Variants in ZBTB20 observed in about 807,000 individuals in gnomAD.
ZBTB20 encodes the protein zinc finger and BTB domain-containing protein 20.
ZBTB20 carries 9 observed loss-of-function variants against 56.9 expected under a neutral mutation model. That is an observed-to-expected ratio of 0.16 (90% CI 0.10 to 0.28). ZBTB20 has a LOEUF of 0.28. ZBTB20 is among the 10% of genes least tolerant of loss of function. The probability of loss-of-function intolerance (pLI) is 1.00; values close to 1 mark genes in which losing one functional copy is unlikely to be tolerated. For synonymous variants in ZBTB20, 417 were observed against 420.7 expected (o/e 0.99, Z 0.11); for missense variants, 655 against 1,003.0 (o/e 0.65, Z 4.69).
intron 3 of ZBTB20, among the ~76,000 whole-genome samples, chr3:114,946,634 G>C (rs1475405457): frequency 6.9e-6 from 1 of 145,156 alleles, no homozygotes; most frequent in Non-Finnish European, 1.5e-5. Context: ...TAAATCCCCT[G>C]AAAAACACAT....
At chr3:114,962,449 C>T (rs949619029) in intron 3 of ZBTB20, among the ~76,000 whole-genome samples, 26 of 151,988 alleles carry the variant, frequency 1.7e-4, no homozygotes, top group African/African-American at 5.8e-4. Context: ...ACAGACAGCC[C>T]GATAGATTTT....
intron 3 of ZBTB20, among the ~76,000 whole-genome samples, chr3:114,968,750 T>C (rs1032636020): frequency 1.2e-4 from 18 of 152,208 alleles, no homozygotes; most frequent in African/African-American, 3.9e-4. Context: ...AATTTAAAAA[T>C]ACTAGAAATT....
intron 1 of ZBTB20, among the ~76,000 whole-genome samples, chr3:115,091,844 A>C (rs2083206850): frequency 6.6e-6 from 1 of 152,106 alleles, no homozygotes; most frequent in Non-Finnish European, 1.5e-5. Flanking sequence ...AATAAGACAC[A>C]GACACTATCC....
chr3:114,570,004 GATA>G (rs1202893921), intron 6 of ZBTB20, among the ~76,000 whole-genome samples: 1 of 152,146 alleles, frequency 6.6e-6, no homozygotes, highest in East Asian at 1.9e-4. Flanking sequence ...AAAAGAATAT[GATA>G]ATAATTTGTG....
At chr3:114,789,365 A>G (rs1286308200) in intron 5 of ZBTB20, among the ~76,000 whole-genome samples, 1 of 152,216 alleles carries the variant, frequency 6.6e-6, no homozygotes, top group African/African-American at 2.4e-5. Flanking sequence ...CACTGAATTG[A>G]AAATTTTAAG....
intron 2 of ZBTB20, among the ~76,000 whole-genome samples, chr3:114,991,759 A>G (rs1054395206): frequency 2.6e-5 from 4 of 152,014 alleles, no homozygotes; most frequent in African/African-American, 9.7e-5. Context: ...GTAGGTCTCT[A>G]AGGACTTGCT....
chr3:114,382,668 G>C (rs1454852085), intron 8 of ZBTB20, among the ~76,000 whole-genome samples: 1 of 152,066 alleles, frequency 6.6e-6, no homozygotes, highest in Non-Finnish European at 1.5e-5. Flanking sequence ...AAATGCCTAA[G>C]CTCTTTTTTT....
At chr3:114,723,057 C>T (rs1200392864) in intron 5 of ZBTB20, among the ~76,000 whole-genome samples, 1 of 152,124 alleles carries the variant, frequency 6.6e-6, no homozygotes, top group African/African-American at 2.4e-5. Flanking sequence ...TGATAGCTAG[C>T]CCTGAATCTG....
intron 2 of ZBTB20, among the ~76,000 whole-genome samples, chr3:115,054,978 T>A (rs2081702492): frequency 6.6e-6 from 1 of 152,128 alleles, no homozygotes; most frequent in Non-Finnish European, 1.5e-5. Flanking sequence ...GTCTGAGTTC[T>A]TATAGAAATC....
At chr3:114,783,297 G>C (rs1408287825) in intron 5 of ZBTB20, among the ~76,000 whole-genome samples, 1 of 152,190 alleles carries the variant, frequency 6.6e-6, no homozygotes, top group East Asian at 1.9e-4. Flanking sequence ...TATTGACCTT[G>C]AATTTCTTCT....
rs926207161 is a variant in ZBTB20 at position 114,487,076 on chromosome 3, G to A, written c.-255+13276C>T. Among the ~76,000 whole-genome samples the A allele has an allele frequency of 5.3e-5, 8 of 152,170 alleles. 1 individual carries two copies. The highest frequency in any genetic ancestry group is 1.9e-4 in the East Asian group (1 of 5,202). ...ATGACTCCTTAAACAAGTAGGATGC[G>A]TGTATGTGGAAGATATATATATGTA... On this transcript the variant is annotated intron_variant, in intron 7 of 11. Transcript: ENST00000675478.
chr3:114,399,018 T>C (rs991588617), intron 7 of ZBTB20, among the ~76,000 whole-genome samples: 1 of 152,128 alleles, frequency 6.6e-6, no homozygotes, highest in African/African-American at 2.4e-5. Context: ...GGGCAGGTTG[T>C]CTCGGGCTAG....
chr3:115,022,218 T>TAC (rs1156347283), intron 2 of ZBTB20, among the ~76,000 whole-genome samples: 2 of 150,876 alleles, frequency 1.3e-5, no homozygotes, highest in Admixed American at 6.6e-5. Flanking sequence ...ATAATTTATT[T>TAC]ACAAAATTTA....
At chr3:114,454,230 T>C (rs1475739036) in intron 7 of ZBTB20, among the ~76,000 whole-genome samples, 2 of 143,738 alleles carry the variant, frequency 1.4e-5, no homozygotes, top group Admixed American at 6.9e-5. Flanking sequence ...CTTCCTTTAA[T>C]AGACATAGGA....
intron 5 of ZBTB20, among the ~76,000 whole-genome samples, chr3:114,768,163 G>A (rs991562303): frequency 1.3e-4 from 19 of 151,738 alleles, no homozygotes; most frequent in African/African-American, 4.1e-4. Flanking sequence ...AAAACAAACC[G>A]AGCAAAAACA....
chr3:114,389,672 G>A (rs904746550), intron 7 of ZBTB20, among the ~76,000 whole-genome samples: 10 of 151,722 alleles, frequency 6.6e-5, no homozygotes, highest in Non-Finnish European at 1.3e-4. Flanking sequence ...TGAGGATCAC[G>A]AGGTCAGGAG....
intron 4 of ZBTB20, among the ~76,000 whole-genome samples, chr3:114,886,134 G>T (rs546637871): frequency 1.3e-5 from 2 of 152,204 alleles, no homozygotes; most frequent in African/African-American, 4.8e-5. Flanking sequence ...AAAACACAAA[G>T]ATTTCCTGCA....
In ZBTB20 at chr3:114,713,622, T is replaced by C. The variant is rs768642328; in HGVS notation, c.-342-20047A>G. Among the ~76,000 whole-genome samples, 35 of 152,164 alleles carry C rather than the reference T, an allele frequency of 2.3e-4. 1 individual carries two copies. Among genetic ancestry groups the C allele is most frequent in the Admixed American group, 1.9e-3 (29 of 15,252 alleles). ...ACAGAATAGCCATTGGAATCTGGATTAGAGTCTGAAAAACACTGCATTTTC... is the reference window on the plus strand; with the variant it reads ...ACAGAATAGCCATTGGAATCTGGATCAGAGTCTGAAAAACACTGCATTTTC... On this transcript the variant is annotated intron_variant, in intron 5 of 11. Coordinates refer to ENST00000675478, the MANE Select transcript of ZBTB20 (RefSeq NM_001348800.3).
chr3:114,863,067 T>C (rs2075604054), intron 4 of ZBTB20, among the ~76,000 whole-genome samples: 1 of 152,170 alleles, frequency 6.6e-6, no homozygotes. Flanking sequence ...GATTTTTCTA[T>C]GAACCAGTGA....
Sources: gnomAD v4.1 joint callset for allele counts (sites outside exome capture counted in the v4.1 genomes callset) on GRCh38, gnomAD v4.1.1 for gene constraint, MANE v1.5 for transcripts, NCBI Gene and HGNC (gene_info 2026-07-23, HGNC 2026-07-21) for gene names.